The following EIF2AK4 variants were observed in gnomAD, a reference collection of about 807,000 sequenced individuals.
The protein encoded by EIF2AK4 is eukaryotic translation initiation factor 2 alpha kinase 4.
A neutral mutation model predicts 211.1 loss-of-function variants in EIF2AK4; 139 were observed. The ratio of observed to expected loss-of-function variants is 0.66; its 90% CI spans 0.57 to 0.76. The LOEUF (loss-of-function observed/expected upper bound fraction) is 0.76. Ranked by LOEUF, EIF2AK4 falls within the 30% of genes least tolerant of loss-of-function variation. EIF2AK4 has a pLI of 0.00. For synonymous variants in EIF2AK4, 710 were observed against 751.3 expected, an observed-to-expected ratio of 0.94 and a Z score of 0.90; for missense variants, 1,664 against 2,043.8, an observed-to-expected ratio of 0.81 and a Z score of 3.58.
intron 37 of EIF2AK4, among the ~76,000 whole-genome samples, chr15:40,033,413 C>T (rs1201046770): frequency 6.6e-6 from 1 of 152,142 alleles, no homozygotes; most frequent in African/African-American, 2.4e-5. Context: ...TTTACAGGTA[C>T]ATCCCTTTAT....
chr15:39,988,038 G>C lies in EIF2AK4; in HGVS notation c.2459G>C (p.Arg820Pro), dbSNP rs771823811. 1.2e-6 allele frequency: 2 copies of C among 1,614,080 alleles called. No homozygotes were observed. Among genetic ancestry groups the C allele is most frequent in the Non-Finnish European group, 1.7e-6 (2 of 1,179,970 alleles). The change falls in exon 15 of 39, where the codon CGA becomes CCA. Residue 820 changes from arginine (R) to proline (P), a missense_variant. Physicochemically the swap from Arg to Pro is moderately radical, Grantham distance 103 (BLOSUM62 -2). Coordinates refer to ENST00000263791, the MANE Select transcript of EIF2AK4 (RefSeq NM_001013703.4). ...GACACCATTGACCAGGGACTGTATC[G>C]AGACACCGTCAGACTCTGGAGGCTT... ...LRDTIDQGLY[R>P]DTVRLWRLFR...
intron 17 of EIF2AK4, 65 bp downstream of exon 17, chr15:39,992,294 C>T: frequency 7.2e-7 from 1 of 1,395,916 alleles, no homozygotes; most frequent in Non-Finnish European, 9.7e-7. Flanking sequence ...TAACCTGAAA[C>T]CTGTTTTTTA....
intron 21 of EIF2AK4, chr15:40,002,510 G>A: frequency 1.9e-6 from 1 of 516,680 alleles, no homozygotes; most frequent in Non-Finnish European, 3.5e-6. Context: ...TTGGTTGAAA[G>A]GTTAGCTCTT....
At chr15:39,946,830 T>G in intron 3 of EIF2AK4, 2 of 593,514 alleles carry the variant, frequency 3.4e-6, no homozygotes, top group East Asian at 5.5e-5. Context: ...AAAAAGATTA[T>G]GACGTCCTGA....
In EIF2AK4 at chr15:39,985,907, G is replaced by T. The variant is rs767715986; in HGVS notation, c.2403+19G>T. 1.2e-6 allele frequency: 2 copies of T among 1,610,498 alleles called. No homozygotes were observed. Among genetic ancestry groups the T allele is most frequent in the South Asian group, 2.2e-5 (2 of 90,738 alleles). On this transcript the variant is annotated intron_variant, in intron 14 of 38. Coordinates refer to ENST00000263791, the MANE Select transcript of EIF2AK4 (RefSeq NM_001013703.4). ...CATCCAGGTGAGGTCGTGGTGTGTA[G>T]TTAGGTGACACAGCAACACCCAGTA...
chr15:39,943,351 C>CTTT (rs5812147), intron 2 of EIF2AK4, 32 bp from the exon 3 acceptor site: 609 of 863,500 alleles, frequency 7.1e-4, no homozygotes, highest in South Asian at 1.5e-3. Context: ...TGGAGTAACT[C>CTTT]TTTTTTTTTT....
intron 14 of EIF2AK4, among the ~76,000 whole-genome samples, chr15:39,986,518 C>G (rs1038381876): frequency 6.6e-6 from 1 of 152,234 alleles, no homozygotes; most frequent in African/African-American, 2.4e-5. Context: ...GCAACAACAT[C>G]CTAAACAGGG....
At position 39,967,697 on chromosome 15, in the gene EIF2AK4, T is replaced by C. The variant is rs773412657; in HGVS notation, c.1371T>C (p.Asp457=). 6 of 1,614,238 alleles carry C rather than the reference T, an allele frequency of 3.7e-6. No homozygotes were observed. The South Asian group carries it at 6.6e-5, about 18-fold the overall frequency. Residue 457 remains aspartate (D), a synonymous_variant, in exon 9 of 39, where the codon GAT becomes GAC. Transcript: ENST00000263791. ...GCCTCGCAGACATTTGCAAGGAGGA[T>C]GTGTTTGAGCAAACCCGAGTTCGTT... ...SKRLADICKE[D]VFEQTRVRFS... is the part of the protein sequence containing the mutation.
At chr15:39,952,290 TTTTC>T (rs1397312437) in intron 4 of EIF2AK4, among the ~76,000 whole-genome samples, 1 of 83,510 alleles carries the variant, frequency 1.2e-5, no homozygotes, top group Non-Finnish European at 2.1e-5. Flanking sequence ...TTTGGATTTT[TTTTC>T]TTTTTTTTTT....
intron 11 of EIF2AK4, 105 bp from the exon 12 acceptor site, chr15:39,976,309 A>T (rs901360597): frequency 8.3e-7 from 1 of 1,199,208 alleles, no homozygotes; most frequent in Non-Finnish European, 1.1e-6. Context: ...TAGCTGTGGG[A>T]CTCATTTAGA....
At chr15:39,994,807 T>C (rs1360318527) in intron 18 of EIF2AK4, among the ~76,000 whole-genome samples, 1 of 152,000 alleles carries the variant, frequency 6.6e-6, no homozygotes, top group East Asian at 1.9e-4. Flanking sequence ...CTGCACACAC[T>C]GTGAGTGTGG....
chr15:40,000,938 G>T lies in EIF2AK4; in HGVS notation c.2923-50G>T, dbSNP rs1434043457. On this transcript the variant is annotated intron_variant, in intron 20 of 38. Transcript: ENST00000263791. ...CTACTGACTTGTCCGGAGAATAGCT[G>T]AGCATTATCCATTGCATCCCATTAG... The T allele has an allele frequency of 3.2e-6, 5 of 1,563,114 alleles. No individual in the cohort carries two copies. In the Admixed American group the frequency reaches 8.4e-5, roughly 26 times the overall value.
intron 15 of EIF2AK4, among the ~76,000 whole-genome samples, chr15:39,988,416 C>T (rs1566995793): frequency 6.6e-6 from 1 of 152,162 alleles, no homozygotes; most frequent in Non-Finnish European, 1.5e-5. Context: ...ATAATGACTC[C>T]TATATTTTTA....
intron 35 of EIF2AK4, among the ~76,000 whole-genome samples, chr15:40,030,827 G>T (rs2035532239): frequency 6.6e-6 from 1 of 152,194 alleles, no homozygotes. Context: ...TTCGGCATTT[G>T]CTATATGCCT....
intron 23 of EIF2AK4, among the ~76,000 whole-genome samples, chr15:40,005,173 T>C (rs2035143690): frequency 6.6e-6 from 1 of 152,214 alleles, no homozygotes; most frequent in Admixed American, 6.5e-5. Flanking sequence ...ATCAGGAACT[T>C]AACCATCCAC....
chr15:39,970,174 A>AT (rs1399799270), intron 9 of EIF2AK4, among the ~76,000 whole-genome samples: 1 of 152,232 alleles, frequency 6.6e-6, no homozygotes, highest in Non-Finnish European at 1.5e-5. Context: ...GTTGCCAGGC[A>AT]TTTTATCCCT....
chr15:40,016,944 T>C lies in EIF2AK4; in HGVS notation c.3931-164T>C, dbSNP rs1444989743. ...AAGAGAAGAGAATTTATTTTACTTGTCAGGCTATGGTTAAACAGACTTTGA... is the reference window on the plus strand; with the variant it reads ...AAGAGAAGAGAATTTATTTTACTTGCCAGGCTATGGTTAAACAGACTTTGA... On this transcript the variant is annotated intron_variant, in intron 28 of 38. Transcript: ENST00000263791. 2.0e-5 allele frequency among the ~76,000 whole-genome samples: 3 copies of C among 152,228 alleles called. 1 individual carries two copies. The South Asian group carries it at 6.2e-4, about 31-fold the overall frequency.
chr15:39,936,467 C>T (rs1412276008), intron 1 of EIF2AK4, among the ~76,000 whole-genome samples: 2 of 152,144 alleles, frequency 1.3e-5, no homozygotes, highest in Non-Finnish European at 2.9e-5. Flanking sequence ...GGCTGGAGTG[C>T]GGTGGAGCAA....
chr15:39,992,369 G>A (rs1363715816), intron 17 of EIF2AK4, 140 bp downstream of exon 17: 9 of 623,958 alleles, frequency 1.4e-5, no homozygotes, highest in East Asian at 8.7e-5. Context: ...TTATGGAAAC[G>A]TTTTAATCTT....
Sources: gnomAD v4.1 joint callset for allele counts (sites outside exome capture counted in the v4.1 genomes callset) on GRCh38, gnomAD v4.1.1 for gene constraint, MANE v1.5 for transcripts, NCBI Gene and HGNC (gene_info 2026-07-23, HGNC 2026-07-21) for gene names.